Variants in MUSK observed in about 807,000 individuals in gnomAD.
MUSK encodes muscle associated receptor tyrosine kinase.
MUSK carries 55 observed loss-of-function variants against 88.7 expected under a neutral mutation model. The ratio of observed to expected loss-of-function variants is 0.62; its 90% CI spans 0.50 to 0.78. The LOEUF (loss-of-function observed/expected upper bound fraction) is 0.78, where lower values mean the gene tolerates loss of function less well. MUSK is among the 30% of genes least tolerant of loss of function. The pLI is 0.00. For missense variants in MUSK, 1,015 were observed against 1,074.3 expected, an observed-to-expected ratio of 0.94 and a Z score of 0.77; for synonymous variants, 387 against 391.9, an observed-to-expected ratio of 0.99 and a Z score of 0.15.
At chr9:110,674,756 G>T (rs1241310911) in intron 1 of MUSK, among the ~76,000 whole-genome samples, 1 of 151,702 alleles carries the variant, frequency 6.6e-6, no homozygotes, top group Non-Finnish European at 1.5e-5. Context: ...GGATTACAAA[G>T]TGTGTGCCAC....
chr9:110,714,468 T>C (rs1459404310), intron 5 of MUSK, among the ~76,000 whole-genome samples: 1 of 152,146 alleles, frequency 6.6e-6, no homozygotes, highest in Admixed American at 6.5e-5. Flanking sequence ...ATGTGTATGT[T>C]TTCTAAAGGA....
rs79843573 is a variant in MUSK, at chr9:110,775,792, T to C, written c.1189T>C (p.Tyr397His). Residue 397 changes from tyrosine (Y) to histidine (H), a missense_variant, in exon 10 of 15, where the codon TAC (tyrosine) becomes CAC (histidine). Tyr to His is a moderately conservative substitution (Grantham distance 83). Transcript: ENST00000374448. ...GTTCTCCATATACTATTTTAGAGAGTACTGCTTGGCAGTAAAGGAGCTCTT... is the reference window on the plus strand; with the variant it reads ...GTTCTCCATATACTATTTTAGAGAGCACTGCTTGGCAGTAAAGGAGCTCTT... Reference protein sequence around the residue: ...VPTPIPICREYCLAVKELFCA... With the variant: ...VPTPIPICREHCLAVKELFCA... The C allele has an allele frequency of 1.4e-3, 2,268 of 1,613,726 alleles. 21 individuals carry two copies. In the African/African-American group the frequency reaches 0.02, roughly 14 times the overall value.
At chr9:110,719,312 CACCA>C (rs2076781974) in intron 5 of MUSK, among the ~76,000 whole-genome samples, 1 of 152,048 alleles carries the variant, frequency 6.6e-6, no homozygotes, top group Non-Finnish European at 1.5e-5. Flanking sequence ...ATAAGAATTT[CACCA>C]ACCAAGTTTC....
rs181544285 is a variant in MUSK at position 110,723,013 on chromosome 9, A to C, written c.629-11238A>C. 3.3e-5 allele frequency among the ~76,000 whole-genome samples: 5 copies of C among 152,272 alleles called. No homozygotes were observed. In the East Asian group the frequency reaches 9.7e-4, roughly 29 times the overall value. Reference sequence around the variant, plus strand: ...TAAAAGTAGATCTACCATTTGATCCAGCAATCCCACTACTAGGCATGTACC... The same window carrying C: ...TAAAAGTAGATCTACCATTTGATCCCGCAATCCCACTACTAGGCATGTACC... On this transcript the variant is annotated intron_variant, in intron 5 of 14. Coordinates refer to ENST00000374448, the MANE Select transcript of MUSK (RefSeq NM_005592.4).
rs1456915950 is a variant in MUSK, at chr9:110,805,016, C to G, written c.*4028C>G. Among the ~76,000 whole-genome samples, 1 of 151,882 alleles carries G rather than the reference C, an allele frequency of 6.6e-6. No homozygotes were observed. Among genetic ancestry groups the G allele is most frequent in the Admixed American group, 6.6e-5 (1 of 15,262 alleles). On this transcript the variant is annotated 3_prime_UTR_variant, in exon 15 of 15. Transcript: ENST00000374448. ...AACATCTTCTACATGAACAAGTATT[C>G]ATGTGCAACATTAATTTTGATGGTT... is the stretch of plus-strand genomic sequence containing the variant.
intron 14 of MUSK, among the ~76,000 whole-genome samples, chr9:110,790,428 T>A (rs905172796): frequency 5.9e-5 from 9 of 152,118 alleles, no homozygotes; most frequent in African/African-American, 2.2e-4. Flanking sequence ...AATAGCACAT[T>A]TGTAAATTAA....
intron 1 of MUSK, among the ~76,000 whole-genome samples, chr9:110,670,295 C>T (rs10980514): frequency 0.13 from 19,662 of 152,196 alleles, 1,511 homozygotes; most frequent in Non-Finnish European, 0.17. Flanking sequence ...TTTAATACTT[C>T]CTGATCAAAC....
chr9:110,785,450 T>G (rs2077839311), intron 12 of MUSK, 77 bp from the exon 13 acceptor site: 1 of 1,218,484 alleles, frequency 8.2e-7, no homozygotes, highest in African/African-American at 1.5e-5. Context: ...ATGCCATATT[T>G]CTTAGAATCT....
chr9:110,787,546 G>T, intron 13 of MUSK, 144 bp from the exon 14 acceptor site: 1 of 670,156 alleles, frequency 1.5e-6, no homozygotes, highest in Non-Finnish European at 2.4e-6. Context: ...GTCTTTCTTT[G>T]ATTCTGTGGC....
intron 14 of MUSK, among the ~76,000 whole-genome samples, chr9:110,788,860 T>C (rs1326218034): frequency 6.6e-6 from 1 of 152,044 alleles, no homozygotes; most frequent in African/African-American, 2.4e-5. Context: ...GGAATAACAG[T>C]GTGGATATCT....
At chr9:110,678,422 G>A (rs1355221586) in intron 1 of MUSK, among the ~76,000 whole-genome samples, 1 of 152,140 alleles carries the variant, frequency 6.6e-6, no homozygotes, top group African/African-American at 2.4e-5. Context: ...GAGATTACAG[G>A]TATGAGCCAC....
intron 5 of MUSK, chr9:110,728,580 T>C: frequency 1.4e-6 from 1 of 740,412 alleles, no homozygotes; most frequent in East Asian, 2.6e-5. Flanking sequence ...CTAATTAATC[T>C]TGTTGCACAA....
chr9:110,693,824 A>G (rs1008413461), intron 3 of MUSK, among the ~76,000 whole-genome samples: 1 of 152,116 alleles, frequency 6.6e-6, no homozygotes, highest in South Asian at 2.1e-4. Context: ...GAAGGCATAG[A>G]TAACACTTTA....
chr9:110,756,891 T>G (rs900520546), intron 7 of MUSK, among the ~76,000 whole-genome samples: 4 of 152,192 alleles, frequency 2.6e-5, no homozygotes, highest in Non-Finnish European at 4.4e-5. Context: ...CGTGTGTGTG[T>G]CTGTGTGTGT....
In MUSK at chr9:110,802,340, G is replaced by C. The variant is rs2078108129; in HGVS notation, c.*1352G>C. ...CCATACATGATCTGAGTTTATTTCT[G>C]ATATAGCAGGAACCCAAATTCTCCT... On this transcript the variant is annotated 3_prime_UTR_variant, in exon 15 of 15. Transcript: ENST00000374448. Among the ~76,000 whole-genome samples, 1 of 152,044 alleles carries C rather than the reference G, an allele frequency of 6.6e-6. No individual in the cohort carries two copies. Among genetic ancestry groups the C allele is most frequent in the African/African-American group, 2.4e-5 (1 of 41,394 alleles).
intron 5 of MUSK, among the ~76,000 whole-genome samples, chr9:110,707,861 C>T (rs183364891): frequency 7.2e-4 from 109 of 152,174 alleles, no homozygotes; most frequent in African/African-American, 2.6e-3. Flanking sequence ...TGGGGAGTAG[C>T]AAGGGAAGGC....
intron 14 of MUSK, among the ~76,000 whole-genome samples, chr9:110,788,472 A>C (rs1443103102): frequency 6.6e-6 from 1 of 151,978 alleles, no homozygotes; most frequent in Non-Finnish European, 1.5e-5. Context: ...TCTCTACTAA[A>C]AATAGAAAAA....
At chr9:110,798,616 C>T (rs1425463991) in intron 14 of MUSK, among the ~76,000 whole-genome samples, 1 of 152,066 alleles carries the variant, frequency 6.6e-6, no homozygotes, top group Non-Finnish European at 1.5e-5. Context: ...TTCATCCATC[C>T]ACCCATCAAC....
At chr9:110,768,522 A>C (rs764641727) in intron 9 of MUSK, among the ~76,000 whole-genome samples, 24 of 152,214 alleles carry the variant, frequency 1.6e-4, no homozygotes, top group Non-Finnish European at 2.6e-4. Context: ...GTAATTAATC[A>C]GACAATATTT....
Sources: allele counts gnomAD v4.1 joint callset (sites outside exome capture counted in the v4.1 genomes callset), GRCh38; gene constraint gnomAD v4.1.1; transcripts MANE v1.5; gene names NCBI Gene and HGNC (gene_info 2026-07-23, HGNC 2026-07-21).